Variants in DIAPH3 observed in about 807,000 individuals in gnomAD.
DIAPH3 encodes the protein protein diaphanous homolog 3.
A neutral mutation model predicts 144.3 loss-of-function variants in DIAPH3; 117 were observed. That is an observed-to-expected ratio of 0.81 (90% confidence interval 0.70 to 0.95). DIAPH3 has a LOEUF of 0.95. Ranked by LOEUF, DIAPH3 falls within the 40% of genes least tolerant of loss-of-function variation. DIAPH3 has a pLI of 0.00. For synonymous variants in DIAPH3, 519 were observed against 488.9 expected (o/e 1.06, Z -0.81); for missense variants, 1,421 against 1,412.7 (o/e 1.01, Z -0.09).
rs150131781 is a variant in DIAPH3 at position 59,797,353 on chromosome 13, C to A, written c.3163+13435G>T. ...TAGGATAGTATCATGACATAATATG[C>A]GATAAATAAATATTTGCTGAAAGAA... On this transcript the variant is annotated intron_variant, in intron 25 of 27. Transcript: ENST00000400324. Among the ~76,000 whole-genome samples the A allele has an allele frequency of 1.3e-4, 20 of 152,174 alleles. No homozygotes were observed. In the East Asian group the frequency reaches 3.1e-3, roughly 23 times the overall value.
intron 22 of DIAPH3, among the ~76,000 whole-genome samples, chr13:59,857,781 T>A (rs1211689947): frequency 4.6e-5 from 7 of 152,158 alleles, no homozygotes; most frequent in Non-Finnish European, 1.0e-4. Flanking sequence ...TTTAAGTTTC[T>A]TGATGAAGGA....
At chr13:59,988,656 A>T (rs767673204) in intron 12 of DIAPH3, among the ~76,000 whole-genome samples, 25 of 151,938 alleles carry the variant, frequency 1.6e-4, no homozygotes, top group Non-Finnish European at 3.4e-4. Flanking sequence ...GAATATGTGA[A>T]TAACTTAATT....
chr13:59,999,686 T>C (rs1470742799), intron 9 of DIAPH3, among the ~76,000 whole-genome samples: 1 of 152,156 alleles, frequency 6.6e-6, no homozygotes, highest in Non-Finnish European at 1.5e-5. Context: ...AACAGGCTTG[T>C]CAAGCTCTCT....
chr13:60,142,390 C>T lies in DIAPH3; in HGVS notation c.181-9401G>A, dbSNP rs12876173. On this transcript the variant is annotated intron_variant, in intron 1 of 27. Coordinates refer to ENST00000400324, the MANE Select transcript of DIAPH3 (RefSeq NM_001042517.2). ...CCAATAAAGGCAATTTTTGGAAAAACTCAGTTAATTCTATCAATTATTTTT... is the reference window on the plus strand; with the variant it reads ...CCAATAAAGGCAATTTTTGGAAAAATTCAGTTAATTCTATCAATTATTTTT... 1.7e-3 allele frequency among the ~76,000 whole-genome samples: 265 copies of T among 152,224 alleles called. 1 individual carries two copies. Among genetic ancestry groups the T allele is most frequent in the Middle Eastern group, 3.4e-3 (1 of 294 alleles).
At chr13:59,691,212 T>C (rs1323865116) in intron 27 of DIAPH3, among the ~76,000 whole-genome samples, 2 of 152,166 alleles carry the variant, frequency 1.3e-5, no homozygotes, top group Non-Finnish European at 2.9e-5. Flanking sequence ...ATTTCTTATC[T>C]TATCTTTTTG....
intron 5 of DIAPH3, among the ~76,000 whole-genome samples, chr13:60,041,029 G>A (rs181623676): frequency 6.6e-6 from 1 of 152,218 alleles, no homozygotes; most frequent in Admixed American, 6.5e-5. Context: ...AGCCAGGCTG[G>A]TCTGGAATGC....
At chr13:59,959,114 G>A (rs965559898) in intron 17 of DIAPH3, among the ~76,000 whole-genome samples, 1 of 152,020 alleles carries the variant, frequency 6.6e-6, no homozygotes, top group Non-Finnish European at 1.5e-5. Context: ...GACCTCAGGT[G>A]CTCCACCCAC....
At chr13:60,090,922 C>A (rs1320481590) in intron 4 of DIAPH3, among the ~76,000 whole-genome samples, 1 of 152,124 alleles carries the variant, frequency 6.6e-6, no homozygotes, top group African/African-American at 2.4e-5. Context: ...CAAATTTCAA[C>A]CTTAGTCCAA....
chr13:59,916,195 A>G lies in DIAPH3; in HGVS notation c.2225T>C (p.Leu742Ser). 1 of 1,613,344 alleles carries G rather than the reference A, an allele frequency of 6.2e-7. No individual in the cohort carries two copies. Among genetic ancestry groups the G allele is most frequent in the South Asian group, 1.1e-5 (1 of 91,058 alleles). The change falls in exon 19 of 28, where the codon TTG becomes TCG. Residue 742 changes from leucine to serine, a missense_variant. Physicochemically the swap from Leu to Ser is moderately radical, Grantham distance 145 (BLOSUM62 -2). Transcript: ENST00000400324. ...TGCCAACCGTGTTTCATCTACTTCC[A>G]ATATCATCATTCTGATTTCCTCATA... ...VPYEEIRMMI[L>S]EVDETRLAES...
intron 15 of DIAPH3, among the ~76,000 whole-genome samples, chr13:59,972,247 A>G (rs2050429874): frequency 6.6e-6 from 1 of 152,192 alleles, no homozygotes; most frequent in Admixed American, 6.5e-5. Context: ...CAAATGCCAC[A>G]GAGAAGCAAG....
intron 17 of DIAPH3, among the ~76,000 whole-genome samples, chr13:59,929,092 G>T (rs920966065): frequency 6.6e-6 from 1 of 152,108 alleles, no homozygotes; most frequent in African/African-American, 2.4e-5. Flanking sequence ...ACACTCAAAG[G>T]TTATGTTCAA....
intron 20 of DIAPH3, among the ~76,000 whole-genome samples, chr13:59,899,914 C>T (rs1023443211): frequency 6.6e-6 from 1 of 152,082 alleles, no homozygotes; most frequent in African/African-American, 2.4e-5. Flanking sequence ...AAGGAAATAG[C>T]ATATTATTCT....
rs150133041 is a variant in DIAPH3, at chr13:59,887,572, C to A, written c.2368-8104G>T. ...AATTCTGTTATAGACAGAAAACATA[C>A]CCTGCAAGATATCTATATTTTGAAA... On this transcript the variant is annotated intron_variant, in intron 20 of 27. Coordinates refer to ENST00000400324, the MANE Select transcript of DIAPH3 (RefSeq NM_001042517.2). 3.5e-4 allele frequency among the ~76,000 whole-genome samples: 53 copies of A among 152,132 alleles called. No individual in the cohort carries two copies. In the East Asian group the frequency reaches 8.9e-3, roughly 25 times the overall value.
chr13:59,895,443 A>AG (rs2046034808), intron 20 of DIAPH3, among the ~76,000 whole-genome samples: 1 of 145,076 alleles, frequency 6.9e-6, no homozygotes, highest in South Asian at 2.1e-4. Flanking sequence ...AAAAAAAAAA[A>AG]CAAAAAAAAA....
At chr13:60,086,263 T>A (rs1403220339) in intron 4 of DIAPH3, among the ~76,000 whole-genome samples, 1 of 152,142 alleles carries the variant, frequency 6.6e-6, no homozygotes, top group Non-Finnish European at 1.5e-5. Flanking sequence ...ACACCACTGG[T>A]GCTGCCCAGA....
chr13:60,074,345 G>C (rs575850329), intron 4 of DIAPH3, among the ~76,000 whole-genome samples: 1 of 152,216 alleles, frequency 6.6e-6, no homozygotes, highest in African/African-American at 2.4e-5. Flanking sequence ...TTTAACAGAA[G>C]AAAGACTGGA....
At chr13:60,004,236 A>C (rs1316870650) in intron 9 of DIAPH3, among the ~76,000 whole-genome samples, 1 of 152,192 alleles carries the variant, frequency 6.6e-6, no homozygotes, top group East Asian at 1.9e-4. Context: ...GCACATTTTA[A>C]TAATGCAATT....
chr13:59,738,964 T>C (rs2036301721), intron 27 of DIAPH3, among the ~76,000 whole-genome samples: 1 of 152,228 alleles, frequency 6.6e-6, no homozygotes, highest in Non-Finnish European at 1.5e-5. Flanking sequence ...GCTTCCTTTT[T>C]TTCCCCCTTT....
intron 20 of DIAPH3, among the ~76,000 whole-genome samples, chr13:59,889,472 T>C (rs2045657420): frequency 6.6e-6 from 1 of 152,080 alleles, no homozygotes; most frequent in Non-Finnish European, 1.5e-5. Flanking sequence ...TAGTTTTCAT[T>C]TCCCTGCAAA....
Sources: allele counts gnomAD v4.1 joint callset (sites outside exome capture counted in the v4.1 genomes callset), GRCh38; gene constraint gnomAD v4.1.1; transcripts MANE v1.5; gene names NCBI Gene and HGNC (gene_info 2026-07-23, HGNC 2026-07-21).